DIAPH3: variants seen among roughly 807,000 people sequenced by gnomAD.
DIAPH3 encodes diaphanous related formin 3.
In DIAPH3, 117 loss-of-function variants were observed where a neutral mutation model predicts 144.3. The observed-to-expected ratio is 0.81, with a 90% confidence interval of 0.70 to 0.95. The LOEUF is 0.95. Ranked by LOEUF, DIAPH3 falls within the 40% of genes least tolerant of loss-of-function variation. The probability of loss-of-function intolerance (pLI) is 0.00; values close to 1 mark genes in which losing one functional copy is unlikely to be tolerated. For synonymous variants in DIAPH3, 519 were observed against 488.9 expected (o/e 1.06, Z -0.81); for missense variants, 1,421 against 1,412.7 (o/e 1.01, Z -0.09).
chr13:60,006,117 C>G (rs1232766668), intron 9 of DIAPH3, among the ~76,000 whole-genome samples: 1 of 152,140 alleles, frequency 6.6e-6, no homozygotes, highest in Non-Finnish European at 1.5e-5. Context: ...ACGTAGTTTG[C>G]CTTCAAGTTC....
intron 2 of DIAPH3, among the ~76,000 whole-genome samples, chr13:60,128,216 C>T (rs1305783526): frequency 6.6e-6 from 1 of 152,112 alleles, no homozygotes; most frequent in Non-Finnish European, 1.5e-5. Context: ...CAGCTCCATC[C>T]ATGTTCCTGC....
At chr13:60,153,852 A>AT (rs979036328) in intron 1 of DIAPH3, among the ~76,000 whole-genome samples, 2 of 151,838 alleles carry the variant, frequency 1.3e-5, no homozygotes, top group Non-Finnish European at 2.9e-5. Context: ...TATCACAAGA[A>AT]TTTTTTTTCC....
At chr13:59,837,706 C>T (rs146209265) in intron 23 of DIAPH3, 2 of 150,180 alleles carry the variant, frequency 1.3e-5, no homozygotes, top group Non-Finnish European at 3.0e-5. Context: ...TTAGAAAGCA[C>T]ACTTTGTCAT....
intron 27 of DIAPH3, among the ~76,000 whole-genome samples, chr13:59,733,624 C>T (rs984982508): frequency 2.0e-5 from 3 of 152,186 alleles, no homozygotes. Flanking sequence ...CCAGTGCCAT[C>T]GCCCTTTAGG....
intron 27 of DIAPH3, among the ~76,000 whole-genome samples, chr13:59,735,215 A>G (rs1462051577): frequency 6.6e-6 from 1 of 152,182 alleles, no homozygotes; most frequent in Admixed American, 6.5e-5. Flanking sequence ...CATATAGAAG[A>G]CTGGTTTTAC....
At chr13:59,912,600 G>A (rs1378054802) in intron 19 of DIAPH3, among the ~76,000 whole-genome samples, 2 of 152,138 alleles carry the variant, frequency 1.3e-5, no homozygotes, top group African/African-American at 2.4e-5. Flanking sequence ...AGTCTATATC[G>A]ATCCTCTGTA....
At chr13:60,019,437 G>A (rs1039934565) in intron 5 of DIAPH3, among the ~76,000 whole-genome samples, 3 of 152,132 alleles carry the variant, frequency 2.0e-5, no homozygotes, top group Non-Finnish European at 2.9e-5. Context: ...AACAGCAACC[G>A]TAGTGTGCTA....
intron 5 of DIAPH3, among the ~76,000 whole-genome samples, chr13:60,037,923 G>A (rs752826007): frequency 7.9e-5 from 12 of 151,976 alleles, no homozygotes; most frequent in Middle Eastern, 6.8e-3. Context: ...ACATCAAGAT[G>A]GATAAATCTA....
chr13:59,916,885 A>G (rs1003086), intron 18 of DIAPH3, among the ~76,000 whole-genome samples: 8,676 of 152,200 alleles, frequency 0.057, 296 homozygotes, highest in Admixed American at 0.1. Flanking sequence ...ATAATATGTT[A>G]TTACTGAGAA....
At chr13:59,841,657 T>A (rs1772799921) in intron 22 of DIAPH3, among the ~76,000 whole-genome samples, 1 of 152,124 alleles carries the variant, frequency 6.6e-6, no homozygotes, top group Non-Finnish European at 1.5e-5. Context: ...GTGCTATAAA[T>A]TAGGTTCAAA....
At chr13:60,042,186 TG>T (rs1411763964) in intron 5 of DIAPH3, among the ~76,000 whole-genome samples, 2 of 152,152 alleles carry the variant, frequency 1.3e-5, no homozygotes, top group African/African-American at 4.8e-5. Flanking sequence ...AACTTAAATT[TG>T]GACGTCAGAT....
chr13:60,092,564 T>C lies in DIAPH3; in HGVS notation c.495+1064A>G, dbSNP rs184443207. On this transcript the variant is annotated intron_variant, in intron 4 of 27. Transcript: ENST00000400324. ...TACTCCGGAGGCTGAGACAGGAGAATGGCGTGAACCCGGGAGGCGGAGCTT... is the reference window on the plus strand; with the variant it reads ...TACTCCGGAGGCTGAGACAGGAGAACGGCGTGAACCCGGGAGGCGGAGCTT... 1.2e-4 allele frequency among the ~76,000 whole-genome samples: 18 copies of C among 151,774 alleles called. No individual in the cohort carries two copies. In the East Asian group the frequency reaches 2.7e-3, roughly 23 times the overall value.
At chr13:59,709,224 C>CT (rs1680126578) in intron 27 of DIAPH3, among the ~76,000 whole-genome samples, 1 of 151,908 alleles carries the variant, frequency 6.6e-6, no homozygotes, top group Non-Finnish European at 1.5e-5. Flanking sequence ...TTAAGTTGGT[C>CT]TTTTTTCAAA....
chr13:59,784,251 T>G (rs2038908990), intron 25 of DIAPH3, among the ~76,000 whole-genome samples: 1 of 151,630 alleles, frequency 6.6e-6, no homozygotes, highest in African/African-American at 2.4e-5. Flanking sequence ...CCAGCTAATT[T>G]TTTGTATTTT....
chr13:60,093,406 T>G (rs972354668), intron 4 of DIAPH3, among the ~76,000 whole-genome samples: 1 of 152,230 alleles, frequency 6.6e-6, no homozygotes, highest in Admixed American at 6.5e-5. Flanking sequence ...CAGTGTTTCT[T>G]AGCAATGTAA....
chr13:59,791,997 A>G (rs2039352128), intron 25 of DIAPH3, among the ~76,000 whole-genome samples: 5 of 152,158 alleles, frequency 3.3e-5, no homozygotes, highest in African/African-American at 1.2e-4. Context: ...TTCTTAGACA[A>G]CAGTGTCCTT....
chr13:59,999,174 G>A (rs1456292125), intron 9 of DIAPH3, among the ~76,000 whole-genome samples: 2 of 152,050 alleles, frequency 1.3e-5, no homozygotes, highest in African/African-American at 4.8e-5. Context: ...TTGTTTTAAT[G>A]TGAGTATTCA....
chr13:60,044,069 C>A (rs768130698), intron 4 of DIAPH3: 8 of 152,062 alleles, frequency 5.3e-5, no homozygotes, highest in Non-Finnish European at 1.2e-4. Flanking sequence ...ACTGAAAGAA[C>A]TTGGACTTTT....
intron 27 of DIAPH3, among the ~76,000 whole-genome samples, chr13:59,741,423 G>T (rs2036440043): frequency 6.6e-6 from 1 of 152,092 alleles, no homozygotes; most frequent in Non-Finnish European, 1.5e-5. Flanking sequence ...ATCTCAGAGA[G>T]ACAAAAACAG....
Sources: gnomAD v4.1 joint callset for allele counts (sites outside exome capture counted in the v4.1 genomes callset) on GRCh38, gnomAD v4.1.1 for gene constraint, MANE v1.5 for transcripts, NCBI Gene and HGNC (gene_info 2026-07-23, HGNC 2026-07-21) for gene names.